The following XYLT1 variants were observed in gnomAD, a reference collection of about 807,000 sequenced individuals.
XYLT1 encodes xylosyltransferase 1.
A neutral mutation model predicts 91.3 loss-of-function variants in XYLT1; 36 were observed. The ratio of observed to expected loss-of-function variants is 0.39; its 90% CI spans 0.30 to 0.52. XYLT1 has a LOEUF of 0.52. Ranked by LOEUF, XYLT1 falls within the 20% of genes least tolerant of loss-of-function variation. The probability of loss-of-function intolerance (pLI) is 0.68; values close to 1 mark genes in which losing one functional copy is unlikely to be tolerated. For synonymous variants in XYLT1, 588 were observed against 532.0 expected (o/e 1.11, Z -1.45); for missense variants, 1,242 against 1,284.5 (o/e 0.97, Z 0.51).
rs138106515 is a variant in XYLT1, at chr16:17,156,395, C to T, written c.1370+2434G>A. Among the ~76,000 whole-genome samples, 16 of 152,318 alleles carry T rather than the reference C, an allele frequency of 1.1e-4. No homozygotes were observed. In the East Asian group the frequency reaches 2.7e-3, roughly 26 times the overall value. On this transcript the variant is annotated intron_variant, in intron 6 of 11. Coordinates refer to ENST00000261381, the MANE Select transcript of XYLT1 (RefSeq NM_022166.4). The stretch of plus-strand genomic sequence containing the variant: ...TGCACAAATCACCTATTAGCTGCTA[C>T]CTGGAGAAGAAGAAGGGTTTTTCCT...
intron 8 of XYLT1, among the ~76,000 whole-genome samples, chr16:17,137,827 C>T (rs759603245): frequency 1.4e-4 from 21 of 152,174 alleles, no homozygotes; most frequent in South Asian, 2.1e-4. Flanking sequence ...ACAAATTCGT[C>T]GATATCACTG....
intron 1 of XYLT1, among the ~76,000 whole-genome samples, chr16:17,453,033 G>T (rs2036687634): frequency 6.6e-6 from 1 of 152,152 alleles, no homozygotes; most frequent in South Asian, 2.1e-4. Context: ...TCACATCTGG[G>T]AATTCCACTC....
intron 1 of XYLT1, among the ~76,000 whole-genome samples, chr16:17,428,349 C>G (rs946967848): frequency 2.6e-5 from 4 of 152,128 alleles, no homozygotes; most frequent in Admixed American, 1.3e-4. Context: ...CAAGCTCTGG[C>G]GGCAGAGCTT....
intron 3 of XYLT1, among the ~76,000 whole-genome samples, chr16:17,253,633 C>G (rs574945062): frequency 2.0e-5 from 3 of 152,272 alleles, no homozygotes; most frequent in African/African-American, 7.2e-5. Flanking sequence ...ATGCTCATCT[C>G]CCCTTTACAG....
rs145730618 is a variant in XYLT1 at position 17,367,684 on chromosome 16, A to T, written c.364-9634T>A. ...ACTTAGAGGTGCAGACCAGTTATGC[A>T]GCGAATTCACAATAAGTTGCCCGAG... On this transcript the variant is annotated intron_variant, in intron 1 of 11. Coordinates refer to ENST00000261381, the MANE Select transcript of XYLT1 (RefSeq NM_022166.4). 9.2e-5 allele frequency among the ~76,000 whole-genome samples: 14 copies of T among 152,362 alleles called. 1 individual carries two copies. The East Asian group carries it at 2.7e-3, about 29-fold the overall frequency.
intron 1 of XYLT1, among the ~76,000 whole-genome samples, chr16:17,371,597 G>A (rs1256071453): frequency 6.6e-6 from 1 of 152,158 alleles, no homozygotes; most frequent in Non-Finnish European, 1.5e-5. Context: ...GCTATGGTCT[G>A]TTAGGAAGGT....
At chr16:17,162,597 G>A (rs1293444731) in intron 5 of XYLT1, among the ~76,000 whole-genome samples, 1 of 152,104 alleles carries the variant, frequency 6.6e-6, no homozygotes, top group Non-Finnish European at 1.5e-5. Context: ...ATGAATGAAT[G>A]AATGTATTCC....
At chr16:17,319,500 T>G (rs2034685202) in intron 2 of XYLT1, among the ~76,000 whole-genome samples, 1 of 151,834 alleles carries the variant, frequency 6.6e-6, no homozygotes, top group Non-Finnish European at 1.5e-5. Context: ...TGGAGTGCAG[T>G]GGCGCAATCG....
chr16:17,222,789 CAAA>C (rs11358476), intron 3 of XYLT1, among the ~76,000 whole-genome samples: 7 of 71,184 alleles, frequency 9.8e-5, no homozygotes, highest in Non-Finnish European at 1.0e-4. Context: ...AACTCTGTCT[CAAA>C]AAAAAAAAAA....
At chr16:17,351,748 T>TTGG (rs2035222782) in intron 2 of XYLT1, among the ~76,000 whole-genome samples, 1 of 106,360 alleles carries the variant, frequency 9.4e-6, no homozygotes, top group South Asian at 2.7e-4. Flanking sequence ...GGCTTTTTTT[T>TTGG]TGGGGGGGGG....
Position 17,337,775 on chromosome 16 carries a change from C to CTTTTTTTTTTTTTTTTTTTTTTTTT in XYLT1, c.402+20236_402+20237insAAAAAAAAAAAAAAAAAAAAAAAAA, listed in dbSNP as rs71373106. Among the ~76,000 whole-genome samples, 2 of 114,216 alleles carry CTTTTTTTTTTTTTTTTTTTTTTTTT rather than the reference C, an allele frequency of 1.8e-5. 1 individual carries two copies. The highest frequency in any genetic ancestry group is 8.4e-5 in the African/African-American group (2 of 23,760). 74.9% of individuals were successfully genotyped at this position (114,216 alleles called of 152,430 possible). A position where few individuals can be genotyped will look rare whatever the true frequency, so the allele number is the denominator to read the frequency against. ...CTACTTTGTCTGTTCCACATTTTTTCTTTTTCTTTTTTTTTTTTTTTGTGA... is the reference window on the plus strand; with the variant it reads ...CTACTTTGTCTGTTCCACATTTTTTCTTTTTTTTTTTTTTTTTTTTTTTTTTTTTTCTTTTTTTTTTTTTTTGTGA... On this transcript the variant is annotated intron_variant, in intron 2 of 11. Coordinates refer to ENST00000261381, the MANE Select transcript of XYLT1 (RefSeq NM_022166.4).
chr16:17,187,538 G>C (rs2032212000), intron 5 of XYLT1, among the ~76,000 whole-genome samples: 1 of 130,850 alleles, frequency 7.6e-6, no homozygotes, highest in African/African-American at 3.0e-5. Context: ...CTGTACTCTA[G>C]CCTGGGTGAC....
chr16:17,432,398 T>C (rs144121189), intron 1 of XYLT1, among the ~76,000 whole-genome samples: 340 of 152,296 alleles, frequency 2.2e-3, no homozygotes, highest in Non-Finnish European at 3.8e-3. Flanking sequence ...AATATACGAC[T>C]ACACATATAG....
chr16:17,141,682 C>T (rs753769755), intron 6 of XYLT1, among the ~76,000 whole-genome samples: 1 of 152,180 alleles, frequency 6.6e-6, no homozygotes, highest in Non-Finnish European at 1.5e-5. Flanking sequence ...ACAGCTACTC[C>T]TTCTCTAGAG....
chr16:17,178,005 G>A (rs7190310), intron 5 of XYLT1, among the ~76,000 whole-genome samples: 75,296 of 151,922 alleles, frequency 0.5, 20,485 homozygotes, highest in African/African-American at 0.71. Flanking sequence ...TCAGATTGAG[G>A]AAGGTGGTGC....
At chr16:17,373,388 TG>T (rs950714206) in intron 1 of XYLT1, among the ~76,000 whole-genome samples, 4 of 152,154 alleles carry the variant, frequency 2.6e-5, no homozygotes, top group African/African-American at 9.7e-5. Context: ...ACCAACTCTG[TG>T]GGGAAGATAA....
intron 3 of XYLT1, among the ~76,000 whole-genome samples, chr16:17,210,659 C>T (rs1029158976): frequency 4.6e-5 from 7 of 152,162 alleles, no homozygotes; most frequent in Non-Finnish European, 8.8e-5. Flanking sequence ...TGATCTTCCC[C>T]CTTCAGCCTC....
chr16:17,150,401 C>T (rs2031254343), intron 6 of XYLT1, among the ~76,000 whole-genome samples: 2 of 152,204 alleles, frequency 1.3e-5, no homozygotes, highest in South Asian at 4.1e-4. Flanking sequence ...GCTCTATGCA[C>T]TGAGAAAATG....
chr16:17,410,713 G>T (rs1292096424), intron 1 of XYLT1, among the ~76,000 whole-genome samples: 1 of 150,304 alleles, frequency 6.7e-6, no homozygotes, highest in Non-Finnish European at 1.5e-5. Flanking sequence ...TGTGATCTTG[G>T]CTCACTGCAA....
Sources: allele counts gnomAD v4.1 joint callset (sites outside exome capture counted in the v4.1 genomes callset), GRCh38; gene constraint gnomAD v4.1.1; transcripts MANE v1.5; gene names NCBI Gene and HGNC (gene_info 2026-07-23, HGNC 2026-07-21).